CSMD1: variants seen among roughly 807,000 people sequenced by gnomAD.
CSMD1 encodes the protein CUB and Sushi multiple domains 1, also known as CUB and sushi domain-containing protein 1.
Under a neutral mutation model 417.5 loss-of-function variants are expected in CSMD1, and 213 were observed. That is an observed-to-expected ratio of 0.51 (90% CI 0.46 to 0.57). The LOEUF is 0.57. Among genes scored for constraint, CSMD1 ranks in the 20% least tolerant of loss-of-function variants. The pLI is 0.00. For missense variants in CSMD1, 6,923 were observed against 4,529.7 expected, an observed-to-expected ratio of 1.53 and a Z score of -15.17; for synonymous variants, 2,862 against 1,736.8, an observed-to-expected ratio of 1.65 and a Z score of -16.11.
intron 5 of CSMD1, among the ~76,000 whole-genome samples, chr8:3,837,036 T>G (rs1039899305): frequency 6.6e-6 from 1 of 152,054 alleles, no homozygotes; most frequent in Non-Finnish European, 1.5e-5. Context: ...GTGGCCAGGC[T>G]GGGTCAATTG....
chr8:4,884,713 C>A (rs966047116), intron 1 of CSMD1, among the ~76,000 whole-genome samples: 1 of 151,998 alleles, frequency 6.6e-6, no homozygotes, highest in African/African-American at 2.4e-5. Flanking sequence ...CTCTCAGTTT[C>A]CTTCCTTGGA....
chr8:3,675,776 G>T (rs934310794), intron 7 of CSMD1, among the ~76,000 whole-genome samples: 1 of 152,074 alleles, frequency 6.6e-6, no homozygotes, highest in Non-Finnish European at 1.5e-5. Context: ...TATGTCTGTT[G>T]TTTAAGCTGC....
intron 12 of CSMD1, among the ~76,000 whole-genome samples, chr8:3,452,422 T>C (rs1269616218): frequency 6.6e-6 from 1 of 152,204 alleles, no homozygotes; most frequent in Non-Finnish European, 1.5e-5. Flanking sequence ...CTTCCAGTTT[T>C]TGCCCCTTCA....
chr8:3,469,361 C>A (rs1816956731), intron 11 of CSMD1, among the ~76,000 whole-genome samples: 1 of 152,102 alleles, frequency 6.6e-6, no homozygotes, highest in Non-Finnish European at 1.5e-5. Flanking sequence ...GGTAATTATA[C>A]ATTAAGAGAA....
chr8:3,988,094 A>T (rs1814472187), intron 5 of CSMD1, among the ~76,000 whole-genome samples: 1 of 152,160 alleles, frequency 6.6e-6, no homozygotes, highest in East Asian at 1.9e-4. Context: ...AAATATTGTG[A>T]TTTTTTTATA....
intron 1 of CSMD1, among the ~76,000 whole-genome samples, chr8:4,748,224 CAAG>C (rs1239474522): frequency 6.6e-6 from 1 of 152,136 alleles, no homozygotes; most frequent in African/African-American, 2.4e-5. Flanking sequence ...TAAATGGAAA[CAAG>C]AAGAAAAGCA....
chr8:3,314,615 C>G (rs111931014), intron 23 of CSMD1, among the ~76,000 whole-genome samples: 3 of 152,264 alleles, frequency 2.0e-5, no homozygotes, highest in East Asian at 3.9e-4. Flanking sequence ...CATTTTAAGT[C>G]AAAGCACAGC....
intron 36 of CSMD1, chr8:3,182,883 T>C (rs1821476209): frequency 7.0e-6 from 1 of 143,112 alleles, no homozygotes; most frequent in African/African-American, 2.7e-5. Flanking sequence ...TGTGTGTGTG[T>C]GTGTGTGTGT....
intron 12 of CSMD1, among the ~76,000 whole-genome samples, chr8:3,457,721 A>T (rs57592473): frequency 3.3e-5 from 5 of 152,208 alleles, no homozygotes; most frequent in South Asian, 2.1e-4. Context: ...TAAAGGAAAC[A>T]GAAATACCAA....
intron 18 of CSMD1, among the ~76,000 whole-genome samples, chr8:3,376,225 A>C (rs10098070): frequency 0.022 from 3,347 of 152,150 alleles, 122 homozygotes; most frequent in African/African-American, 0.077. Context: ...TATTTTAATA[A>C]CATAATTACT....
chr8:3,329,109 T>A (rs1416139967), intron 23 of CSMD1, among the ~76,000 whole-genome samples: 2 of 152,074 alleles, frequency 1.3e-5, no homozygotes, highest in African/African-American at 4.8e-5. Flanking sequence ...ATGCCAGATG[T>A]TGGCATAGAA....
intron 5 of CSMD1, among the ~76,000 whole-genome samples, chr8:3,910,358 G>A (rs377558868): frequency 4.6e-5 from 7 of 152,140 alleles, no homozygotes; most frequent in African/African-American, 1.4e-4. Context: ...CAGGTGCACC[G>A]AGGCCACAGA....
At chr8:3,581,651 C>T (rs191802846) in intron 9 of CSMD1, among the ~76,000 whole-genome samples, 4 of 152,156 alleles carry the variant, frequency 2.6e-5, no homozygotes, top group Admixed American at 2.0e-4. Flanking sequence ...TACCTTTATG[C>T]TCAGAATGGA....
At chr8:4,380,770 A>C (rs1256450186) in intron 3 of CSMD1, among the ~76,000 whole-genome samples, 1 of 150,440 alleles carries the variant, frequency 6.6e-6, no homozygotes, top group East Asian at 1.9e-4. Context: ...AAAAGTGCTG[A>C]AACAAAAAGT....
chr8:3,798,778 G>C (rs1585016685), intron 5 of CSMD1, among the ~76,000 whole-genome samples: 1 of 152,044 alleles, frequency 6.6e-6, no homozygotes, highest in African/African-American at 2.4e-5. Flanking sequence ...TACTATGTTT[G>C]TATTTAATTA....
At chr8:3,930,801 A>C (rs906529794) in intron 5 of CSMD1, among the ~76,000 whole-genome samples, 1 of 150,716 alleles carries the variant, frequency 6.6e-6, no homozygotes, top group African/African-American at 2.4e-5. Context: ...TACAAGGGTC[A>C]AGATTTCTTA....
At chr8:3,426,862 C>G (rs969206049) in intron 12 of CSMD1, among the ~76,000 whole-genome samples, 3 of 152,088 alleles carry the variant, frequency 2.0e-5, no homozygotes, top group Non-Finnish European at 2.9e-5. Context: ...AGGAACTGCT[C>G]AAGACTGGGT....
At chr8:4,206,736 G>C (rs1200653132) in intron 3 of CSMD1, among the ~76,000 whole-genome samples, 1 of 151,988 alleles carries the variant, frequency 6.6e-6, no homozygotes, top group Non-Finnish European at 1.5e-5. Context: ...TATTTCTAGA[G>C]GATTTCAGAA....
At chr8:3,931,235 C>A (rs7016114) in intron 5 of CSMD1, among the ~76,000 whole-genome samples, 1 of 150,450 alleles carries the variant, frequency 6.6e-6, no homozygotes, top group Non-Finnish European at 1.5e-5. Context: ...AATGATAATA[C>A]ATTTTGTTAG....
Sources: gnomAD v4.1 joint callset for allele counts (sites outside exome capture counted in the v4.1 genomes callset) on GRCh38, gnomAD v4.1.1 for gene constraint, MANE v1.5 for transcripts, NCBI Gene and HGNC (gene_info 2026-07-23, HGNC 2026-07-21) for gene names.